Variants in EHF observed in about 807,000 individuals in gnomAD.
The protein encoded by EHF is ESE3 transcription factor.
EHF carries 14 observed loss-of-function variants against 45.1 expected under a neutral mutation model. The ratio of observed to expected loss-of-function variants is 0.31; its 90% CI spans 0.21 to 0.49. EHF has a LOEUF of 0.49. Among genes scored for constraint, EHF ranks in the 20% least tolerant of loss-of-function variants. EHF has a pLI of 0.99. For missense variants in EHF, 282 were observed against 371.4 expected (o/e 0.76, Z 1.98); for synonymous variants, 136 against 131.8 (o/e 1.03, Z -0.22).
intron 2 of EHF, 106 bp downstream of exon 2, chr11:34,642,833 G>A: frequency 9.8e-6 from 8 of 815,626 alleles, no homozygotes; most frequent in Non-Finnish European, 1.6e-5. Context: ...TACAGCAGAA[G>A]ATGTGGGACA....
In EHF at chr11:34,643,746, T is replaced by G. The variant is rs536557107; in HGVS notation, c.97+1019T>G. ...TTCTGGGCAGTTGCATTTTCTGTTG[T>G]GGGCCTCAAATACCCTGTGAGGACC... is the stretch of plus-strand genomic sequence containing the variant. On this transcript the variant is annotated intron_variant, in intron 2 of 8. Coordinates refer to ENST00000257831, the MANE Select transcript of EHF (RefSeq NM_012153.6). 1.0e-3 allele frequency among the ~76,000 whole-genome samples: 158 copies of G among 152,328 alleles called. 1 individual carries two copies. Among genetic ancestry groups the G allele is most frequent in the African/African-American group, 3.6e-3 (151 of 41,570 alleles).
At position 34,663,243 on chromosome 11, in the gene EHF, G is replaced by A. The variant is rs1856193607; in HGVS notation, c.*4312G>A. On this transcript the variant is annotated 3_prime_UTR_variant, in exon 9 of 9. Transcript: ENST00000257831. ...TTCAAAATATGTTTATTTGTTTGATGGGTCCCAGGAAACACTAATAAAAAC... is the reference window on the plus strand; with the variant it reads ...TTCAAAATATGTTTATTTGTTTGATAGGTCCCAGGAAACACTAATAAAAAC... Among the ~76,000 whole-genome samples, 1 of 151,972 alleles carries A rather than the reference G, an allele frequency of 6.6e-6. No individual in the cohort carries two copies. Among genetic ancestry groups the A allele is most frequent in the African/African-American group, 2.4e-5 (1 of 41,362 alleles).
rs949135204 is a variant in EHF, at chr11:34,663,006, G to A, written c.*4075G>A. On this transcript the variant is annotated 3_prime_UTR_variant, in exon 9 of 9. Coordinates refer to ENST00000257831, the MANE Select transcript of EHF (RefSeq NM_012153.6). ...ACTGTGTCTTATGAACCTCTGAAAC[G>A]TACAAGCCTTCACAAGTTTAACTAA... 6.6e-6 allele frequency among the ~76,000 whole-genome samples: 1 copy of A among 151,936 alleles called. No individual in the cohort carries two copies. Among genetic ancestry groups the A allele is most frequent in the African/African-American group, 2.4e-5 (1 of 41,382 alleles).
chr11:34,658,412 T>C lies in EHF; in HGVS notation c.608-121T>C, dbSNP rs1052917305. The C allele has an allele frequency of 1.1e-5, 9 of 790,574 alleles. No individual in the cohort carries two copies. The African/African-American group carries it at 1.6e-4, about 14-fold the overall frequency. 49.0% of individuals were successfully genotyped at this position (790,574 alleles called of 1,614,324 possible). A position where few individuals can be genotyped will look rare whatever the true frequency, so the allele number is the denominator to read the frequency against. On this transcript the variant is annotated intron_variant, in intron 7 of 8. Coordinates refer to ENST00000257831, the MANE Select transcript of EHF (RefSeq NM_012153.6). Reference sequence around the variant, plus strand: ...TGGTGATTCTGCGATCCATCTTCCCTGACAAGTAGGGGAGAAATGAGTATC... The same window carrying C: ...TGGTGATTCTGCGATCCATCTTCCCCGACAAGTAGGGGAGAAATGAGTATC...
In EHF at chr11:34,649,072, G is replaced by T; in HGVS notation, c.397G>T (p.Glu133Ter). The T allele has an allele frequency of 6.2e-7, 1 of 1,613,876 alleles. No homozygotes were observed. The highest frequency in any genetic ancestry group is 1.1e-5 in the South Asian group (1 of 91,020). ...CACACACAATGTCATTGTCAAGACT[G>T]AACAAACTGGTGAGTAGTAGTGGAC... ...QSTHNVIVKTEQTEPSIMNTW... is the reference protein window; with the variant it reads ...QSTHNVIVKT The change falls in exon 4 of 9, where the codon GAA becomes TAA. Residue 133 changes from glutamate (E) to a stop codon, truncating the protein, a stop_gained. Transcript: ENST00000257831. LOFTEE classifies it high-confidence loss of function.
At chr11:34,632,521 G>A in intron 1 of EHF, 3 of 1,535,060 alleles carry the variant, frequency 2.0e-6, no homozygotes, top group South Asian at 1.2e-5. Context: ...GCTGCTTTGT[G>A]AAACTCAGAA....
chr11:34,636,267 C>G (rs1474753267), intron 1 of EHF, among the ~76,000 whole-genome samples: 1 of 152,204 alleles, frequency 6.6e-6, no homozygotes, highest in Non-Finnish European at 1.5e-5. Flanking sequence ...GTCATCTCTA[C>G]TTTATAGATG....
At chr11:34,657,667 G>T (rs973496074) in intron 7 of EHF, among the ~76,000 whole-genome samples, 15 of 151,992 alleles carry the variant, frequency 9.9e-5, no homozygotes, top group Non-Finnish European at 2.9e-5. Context: ...GCACGTGCCT[G>T]TAGTCCCATC....
At chr11:34,652,988 G>C (rs368582324) in intron 6 of EHF, among the ~76,000 whole-genome samples, 1 of 152,228 alleles carries the variant, frequency 6.6e-6, no homozygotes, top group Non-Finnish European at 1.5e-5. Flanking sequence ...AGGCTTGGCT[G>C]TGTATTTGCT....
chr11:34,622,295 G>A (rs866102485), intron 1 of EHF: 52 of 505,502 alleles, frequency 1.0e-4, no homozygotes, highest in South Asian at 7.0e-4. Context: ...CTGGGTTCAA[G>A]TTCACAGGTG....
At chr11:34,626,053 C>A (rs1004289798) in intron 1 of EHF, among the ~76,000 whole-genome samples, 4 of 152,234 alleles carry the variant, frequency 2.6e-5, no homozygotes, top group African/African-American at 9.6e-5. Flanking sequence ...ACCTCATTAA[C>A]CCTGTCATTT....
chr11:34,650,987 G>A (rs1316298586), intron 4 of EHF, among the ~76,000 whole-genome samples: 2 of 151,912 alleles, frequency 1.3e-5, no homozygotes, highest in Admixed American at 1.3e-4. Context: ...AAGCTAATTG[G>A]AAAAATCCTA....
intron 1 of EHF, chr11:34,631,745 CTG>C (rs1852909220): frequency 5.5e-6 from 1 of 180,314 alleles, no homozygotes; most frequent in Admixed American, 6.5e-5. Context: ...AGAGGCTTGA[CTG>C]AGATCTGGGT....
chr11:34,626,889 C>G (rs1852418638), intron 1 of EHF, among the ~76,000 whole-genome samples: 1 of 152,198 alleles, frequency 6.6e-6, no homozygotes, highest in African/African-American at 2.4e-5. Flanking sequence ...TAAGCTCTAG[C>G]ATCTAAGTTT....
intron 1 of EHF, among the ~76,000 whole-genome samples, chr11:34,627,112 T>TTGTG (rs6144298): frequency 0.054 from 7,991 of 148,596 alleles, 330 homozygotes; most frequent in East Asian, 0.24. Flanking sequence ...GGATTTTGGT[T>TTGTG]TGTGTGTGTG....
At chr11:34,647,084 A>ACCCCC (rs143509295) in intron 3 of EHF, among the ~76,000 whole-genome samples, 2 of 137,002 alleles carry the variant, frequency 1.5e-5, no homozygotes, top group African/African-American at 5.4e-5. Flanking sequence ...ACAAAACAAA[A>ACCCCC]CCCCCCCCAC....
chr11:34,644,267 T>G (rs1187891451), intron 2 of EHF, among the ~76,000 whole-genome samples: 3 of 152,184 alleles, frequency 2.0e-5, no homozygotes, highest in Non-Finnish European at 4.4e-5. Flanking sequence ...AGCAACACAA[T>G]TATTTTAGAA....
chr11:34,650,085 T>C (rs1292786938), intron 4 of EHF, among the ~76,000 whole-genome samples: 1 of 152,202 alleles, frequency 6.6e-6, no homozygotes, highest in Non-Finnish European at 1.5e-5. Context: ...GGCCTTGCCC[T>C]AGAGATGGAT....
chr11:34,630,197 C>T lies in EHF; in HGVS notation c.-4+8969C>T, dbSNP rs1336616549. On this transcript the variant is annotated intron_variant, in intron 1 of 8. Transcript: ENST00000257831. ...CAGACATCCTCCTTCTCTTTAGAAA[C>T]ACAAGGATCCATTTTCAAGTAATTT... 2.6e-5 allele frequency among the ~76,000 whole-genome samples: 4 copies of T among 152,198 alleles called. No homozygotes were observed. In the East Asian group the frequency reaches 7.7e-4, roughly 29 times the overall value.
Sources: gnomAD v4.1 joint callset for allele counts (sites outside exome capture counted in the v4.1 genomes callset) on GRCh38, gnomAD v4.1.1 for gene constraint, MANE v1.5 for transcripts, NCBI Gene and HGNC (gene_info 2026-07-23, HGNC 2026-07-21) for gene names.